The following NMT1 variants were observed in gnomAD, a reference collection of about 807,000 sequenced individuals.
NMT1 encodes the protein glycylpeptide N-tetradecanoyltransferase 1.
Under a neutral mutation model 63.4 loss-of-function variants are expected in NMT1, and 12 were observed. That is an observed-to-expected ratio of 0.19 (90% confidence interval 0.12 to 0.31). NMT1 has a LOEUF of 0.31. Ranked by LOEUF, NMT1 falls within the 10% of genes least tolerant of loss-of-function variation. NMT1 has a pLI of 1.00. For missense variants in NMT1, 432 were observed against 634.6 expected (o/e 0.68, Z 3.43); for synonymous variants, 228 against 234.3 (o/e 0.97, Z 0.25).
Position 45,107,972 on chromosome 17 carries a change from C to T in NMT1, c.*2333C>T, listed in dbSNP as rs1292084177. 6.6e-6 allele frequency: 1 copy of T among 152,290 alleles called. No individual in the cohort carries two copies. The highest frequency in any genetic ancestry group is 1.5e-5 in the Non-Finnish European group (1 of 68,110). The allele number at this position is 152,290 out of a possible 1,614,324, so 9.4% of individuals were successfully genotyped here. A position where few individuals can be genotyped will look rare whatever the true frequency, so the allele number is the denominator to read the frequency against. ...GCTTGCTGCTCATCTGATTTTTGTC[C>T]CAGTAGTCCCTGCGTTCTTCATTCA... On this transcript the variant is annotated 3_prime_UTR_variant, in exon 12 of 12. Coordinates refer to ENST00000258960, the MANE Select transcript of NMT1 (RefSeq NM_021079.5).
At position 45,105,348 on chromosome 17, in the gene NMT1, C is replaced by T. The variant is rs1489453760; in HGVS notation, c.1471-271C>T. Among the ~76,000 whole-genome samples, 2 of 152,182 alleles carry T rather than the reference C, an allele frequency of 1.3e-5. No individual in the cohort carries two copies. Among genetic ancestry groups the T allele is most frequent in the Non-Finnish European group, 2.9e-5 (2 of 68,030 alleles). On this transcript the variant is annotated intron_variant, in intron 11 of 11. Transcript: ENST00000258960. The surrounding 1 kb of genome is among the most constrained non-coding windows in gnomAD (Gnocchi z 4.2). ...TCCTCTCCTGAGCTGCTGCCCTCTT[C>T]TGGCATGACACTTTCTTAGCCCTTC...
intron 2 of NMT1, among the ~76,000 whole-genome samples, chr17:45,084,422 C>T (rs1471796175): frequency 2.6e-5 from 4 of 151,124 alleles, no homozygotes; most frequent in African/African-American, 9.7e-5. Context: ...GCCAGCTCCA[C>T]CTCCTGGGTT....
At chr17:45,084,553 T>C (rs2054039193) in intron 2 of NMT1, among the ~76,000 whole-genome samples, 1 of 151,982 alleles carries the variant, frequency 6.6e-6, no homozygotes. Context: ...CAGGATGGTC[T>C]CGATCTCCTG....
chr17:45,094,494 CAA>C (rs777448458), intron 4 of NMT1, among the ~76,000 whole-genome samples: 15 of 105,754 alleles, frequency 1.4e-4, no homozygotes, highest in Admixed American at 2.9e-4. Context: ...CTCTTTGTCT[CAA>C]AAAAAAAAAA....
In NMT1 at chr17:45,080,220, G is replaced by T. The variant is rs2054007180; in HGVS notation, c.132-1424G>T. ...TTGTTTCCCAGGCTGGAGTGCCGTG[G>T]CGCGATCTTGGCTCACAACAACCTC... On this transcript the variant is annotated intron_variant, in intron 1 of 11. Transcript: ENST00000258960. 2.6e-5 allele frequency among the ~76,000 whole-genome samples: 4 copies of T among 151,710 alleles called. No homozygotes were observed. In the South Asian group the frequency reaches 8.3e-4, roughly 32 times the overall value.
At position 45,105,105 on chromosome 17, in the gene NMT1, C is replaced by A; in HGVS notation, c.1470+109C>A. 7.0e-7 allele frequency: 1 copy of A among 1,428,318 alleles called. No homozygotes were observed. The highest frequency in any genetic ancestry group is 9.6e-7 in the Non-Finnish European group (1 of 1,042,248). 88.5% of individuals were successfully genotyped at this position (1,428,318 alleles called of 1,614,324 possible). On this transcript the variant is annotated intron_variant, in intron 11 of 11. Coordinates refer to ENST00000258960, the MANE Select transcript of NMT1 (RefSeq NM_021079.5). This position sits in a 1 kb window ranked among gnomAD's most constrained non-coding sequence, Gnocchi z 4.2. ...ACAGCCGCAGTCTGGGTCCTTGTTA[C>A]CTCGAGTTGAACCTTTGAAAATGCC...
intron 1 of NMT1, among the ~76,000 whole-genome samples, chr17:45,080,150 A>G (rs1371278316): frequency 2.1e-5 from 3 of 143,736 alleles, no homozygotes; most frequent in Non-Finnish European, 4.5e-5. Context: ...TGGTTTAGGC[A>G]TTTCTTTTTT....
Position 45,104,650 on chromosome 17 carries a change from A to C in NMT1, c.1333-209A>C, listed in dbSNP as rs571417969. On this transcript the variant is annotated intron_variant, in intron 10 of 11. Coordinates refer to ENST00000258960, the MANE Select transcript of NMT1 (RefSeq NM_021079.5). This position sits in a 1 kb window ranked among gnomAD's most constrained non-coding sequence, Gnocchi z 4.2. ...TACATATGTGTACACTCTGAGGGAC[A>C]CTGGGCAGAGGCCAGGCTGGAGGGG... is the stretch of plus-strand genomic sequence containing the variant. 2.8e-6 allele frequency: 4 copies of C among 1,414,076 alleles called. No homozygotes were observed. Among genetic ancestry groups the C allele is most frequent in the African/African-American group, 2.9e-5 (2 of 69,348 alleles). The allele number at this position is 1,414,076 out of a possible 1,614,324, so 87.6% of individuals were successfully genotyped here.
chr17:45,062,630 C>G (rs2053872570), intron 1 of NMT1, among the ~76,000 whole-genome samples: 1 of 152,154 alleles, frequency 6.6e-6, no homozygotes, highest in Non-Finnish European at 1.5e-5. Context: ...ATTATAGTTG[C>G]CTGCAGTACT....
intron 8 of NMT1, 65 bp downstream of exon 8, chr17:45,099,578 AG>A: frequency 8.7e-7 from 1 of 1,147,574 alleles, no homozygotes; most frequent in South Asian, 1.2e-5. Context: ...GGCTGTCAGC[AG>A]GAGAGAAGGG....
At chr17:45,072,465 A>G (rs925256112) in intron 1 of NMT1, among the ~76,000 whole-genome samples, 6 of 150,672 alleles carry the variant, frequency 4.0e-5, no homozygotes, top group African/African-American at 1.2e-4. Flanking sequence ...GGGTTTCGCC[A>G]TGTTGGCCAG....
At chr17:45,091,199 CACACA>C (rs2054085426) in intron 3 of NMT1, among the ~76,000 whole-genome samples, 3 of 140,644 alleles carry the variant, frequency 2.1e-5, no homozygotes, top group South Asian at 5.0e-4. Context: ...CACACACACA[CACACA>C]CACACACACA....
At chr17:45,090,380 T>TC (rs1254724667) in intron 3 of NMT1, among the ~76,000 whole-genome samples, 2 of 145,142 alleles carry the variant, frequency 1.4e-5, no homozygotes, top group Non-Finnish European at 3.1e-5. Context: ...GAACTTTTGA[T>TC]CCCCCACTCG....
chr17:45,069,167 G>A (rs914557821), intron 1 of NMT1, among the ~76,000 whole-genome samples: 1 of 151,116 alleles, frequency 6.6e-6, no homozygotes, highest in South Asian at 2.1e-4. Flanking sequence ...CACCATCTTG[G>A]CCAGGCTGGT....
chr17:45,096,714 G>C (rs1309458430), intron 5 of NMT1, among the ~76,000 whole-genome samples: 1 of 152,234 alleles, frequency 6.6e-6, no homozygotes, highest in Non-Finnish European at 1.5e-5. Context: ...CCGAAATGGA[G>C]AGGGACTACC....
intron 3 of NMT1, among the ~76,000 whole-genome samples, chr17:45,092,537 A>G (rs2054095117): frequency 9.1e-6 from 1 of 110,440 alleles, no homozygotes; most frequent in African/African-American, 3.0e-5. Flanking sequence ...ATCTCTACTG[A>G]AAAAAAAAAA....
chr17:45,100,305 G>A (rs548885285), intron 8 of NMT1, among the ~76,000 whole-genome samples: 5 of 152,016 alleles, frequency 3.3e-5, no homozygotes, highest in East Asian at 3.9e-4. Context: ...AGTGGCTCAC[G>A]CCTGTAATCC....
Position 45,107,162 on chromosome 17 carries a change from G to A in NMT1, c.*1523G>A, listed in dbSNP as rs2054207698. The A allele has an allele frequency of 6.6e-6, 1 of 152,238 alleles. No individual in the cohort carries two copies. Among genetic ancestry groups the A allele is most frequent in the African/African-American group, 2.4e-5 (1 of 41,468 alleles). The allele number at this position is 152,238 out of a possible 1,614,324, so 9.4% of individuals were successfully genotyped here. On this transcript the variant is annotated 3_prime_UTR_variant, in exon 12 of 12. Transcript: ENST00000258960. Reference sequence around the variant, plus strand: ...GCTCAGCCCTGTGCCACTCACCGAAGCCACTTTCTACAGGCCAGCAGGGGC... The same window carrying A: ...GCTCAGCCCTGTGCCACTCACCGAAACCACTTTCTACAGGCCAGCAGGGGC...
chr17:45,100,350 A>T (rs1289604336), intron 8 of NMT1, among the ~76,000 whole-genome samples: 2 of 151,732 alleles, frequency 1.3e-5, no homozygotes, highest in African/African-American at 4.8e-5. Flanking sequence ...GCAGATCACG[A>T]GATCAGGAGA....
Sources: gnomAD v4.1 joint callset for allele counts (sites outside exome capture counted in the v4.1 genomes callset) on GRCh38, gnomAD v4.1.1 for gene constraint, Gnocchi (gnomAD v3.1) non-coding constraint, MANE v1.5 for transcripts, NCBI Gene and HGNC (gene_info 2026-07-23, HGNC 2026-07-21) for gene names.